DEPTOR: variants seen among roughly 807,000 people sequenced by gnomAD.
The protein encoded by DEPTOR is DEP domain-containing mTOR-interacting protein.
In DEPTOR, 41 loss-of-function variants were observed where a neutral mutation model predicts 41.6. The observed-to-expected ratio is 0.98, with a 90% CI of 0.77 to 1.28. DEPTOR has a LOEUF of 1.28. Ranked by LOEUF, DEPTOR falls within the 50% of genes most tolerant of loss-of-function variation. The pLI is 0.00. For synonymous variants in DEPTOR, 195 were observed against 192.3 expected, an observed-to-expected ratio of 1.01 and a Z score of -0.12; for missense variants, 514 against 527.9, an observed-to-expected ratio of 0.97 and a Z score of 0.26.
intron 3 of DEPTOR, among the ~76,000 whole-genome samples, chr8:119,943,080 G>C (rs1250937355): frequency 1.3e-5 from 2 of 152,162 alleles, no homozygotes; most frequent in Non-Finnish European, 2.9e-5. Context: ...CCAACCTGCT[G>C]TGTCCCCAAG....
At chr8:119,945,285 T>C (rs572395767) in intron 3 of DEPTOR, among the ~76,000 whole-genome samples, 2 of 152,342 alleles carry the variant, frequency 1.3e-5, no homozygotes, top group East Asian at 3.9e-4. Context: ...TATTGATTAT[T>C]CTAGGTCACT....
chr8:119,979,953 T>A (rs548801004), intron 4 of DEPTOR, among the ~76,000 whole-genome samples: 1 of 152,278 alleles, frequency 6.6e-6, no homozygotes, highest in Admixed American at 6.5e-5. Flanking sequence ...AAACTCTTGA[T>A]CATTTGCTTG....
chr8:119,934,204 A>G (rs999676343), intron 3 of DEPTOR, among the ~76,000 whole-genome samples: 2 of 152,174 alleles, frequency 1.3e-5, no homozygotes, highest in Non-Finnish European at 2.9e-5. Flanking sequence ...TTTCTAACCC[A>G]TAGTGGTGTT....
chr8:119,955,596 A>G (rs1828408041), intron 3 of DEPTOR, among the ~76,000 whole-genome samples: 1 of 151,638 alleles, frequency 6.6e-6, no homozygotes. Flanking sequence ...CCTCCCAAGT[A>G]GCTGGGATTA....
At chr8:120,023,338 T>C (rs565660673) in intron 8 of DEPTOR, among the ~76,000 whole-genome samples, 34 of 152,228 alleles carry the variant, frequency 2.2e-4, no homozygotes, top group African/African-American at 8.2e-4. Flanking sequence ...CTTCCCGGGT[T>C]CAAGTGATTC....
chr8:120,001,374 A>G lies in DEPTOR; in HGVS notation c.605-151A>G, dbSNP rs540540371. ...TGTCACGTGGAAAGAACTTGGAACC[A>G]TGGGCGGATGGGCGGCAGCTCATGT... is the stretch of plus-strand genomic sequence containing the variant. On this transcript the variant is annotated intron_variant, in intron 4 of 8. Transcript: ENST00000286234. The G allele has an allele frequency of 3.1e-3, 1,983 of 645,488 alleles. 7 individuals carry two copies. Among genetic ancestry groups the G allele is most frequent in the Non-Finnish European group, 4.1e-3 (1,701 of 415,044 alleles). 40.0% of individuals were successfully genotyped at this position (645,488 alleles called of 1,614,324 possible). A position where few individuals can be genotyped will look rare whatever the true frequency, so the allele number is the denominator to read the frequency against.
chr8:119,943,454 CCATCAGATCTCGTGAGAACT>C (rs1246493307), intron 3 of DEPTOR, among the ~76,000 whole-genome samples: 3 of 152,090 alleles, frequency 2.0e-5, no homozygotes, highest in African/African-American at 7.2e-5. Context: ...ACTTATATAA[CCATCAGATCTCGTGAGAACT>C]CACTCACTAT....
chr8:120,039,890 G>A (rs1220590784), intron 8 of DEPTOR, among the ~76,000 whole-genome samples: 1 of 152,016 alleles, frequency 6.6e-6, no homozygotes, highest in Non-Finnish European at 1.5e-5. Context: ...TGTTGCTCAG[G>A]CTGGAGTGCA....
intron 4 of DEPTOR, among the ~76,000 whole-genome samples, chr8:119,997,133 CAG>C (rs1812274948): frequency 6.6e-6 from 1 of 152,108 alleles, no homozygotes; most frequent in South Asian, 2.1e-4. Flanking sequence ...TTTTTTGAGA[CAG>C]AGTCTCACTA....
chr8:119,935,323 T>TA lies in DEPTOR; in HGVS notation c.425+5389dup, dbSNP rs527772480. 1.4e-3 allele frequency among the ~76,000 whole-genome samples: 214 copies of TA among 152,266 alleles called. 1 individual carries two copies. Among genetic ancestry groups the TA allele is most frequent in the Admixed American group, 7.9e-3 (120 of 15,284 alleles). On this transcript the variant is annotated intron_variant, in intron 3 of 8. Transcript: ENST00000286234. ...TATAAGCAGGATAGTACTCATAACT[T>TA]AAAAGAACAATGTTGAATCTCTATC...
At chr8:119,972,412 C>T (rs940425683) in intron 4 of DEPTOR, among the ~76,000 whole-genome samples, 3 of 152,068 alleles carry the variant, frequency 2.0e-5, no homozygotes, top group Non-Finnish European at 4.4e-5. Flanking sequence ...CACTTGAGGT[C>T]AGGAGTTCAA....
chr8:119,906,890 G>T (rs1248745455), intron 1 of DEPTOR, among the ~76,000 whole-genome samples: 2 of 152,028 alleles, frequency 1.3e-5, no homozygotes, highest in African/African-American at 4.8e-5. Context: ...TGTTCATCAG[G>T]GCCAATAGTA....
chr8:119,978,609 T>A (rs1341730120), intron 4 of DEPTOR, among the ~76,000 whole-genome samples: 1 of 152,200 alleles, frequency 6.6e-6, no homozygotes, highest in African/African-American at 2.4e-5. Flanking sequence ...TTTCTAGCCC[T>A]GACCCTTGTG....
At chr8:119,874,281 G>T in intron 1 of DEPTOR, 1 of 373,618 alleles carries the variant, frequency 2.7e-6, no homozygotes, top group East Asian at 6.5e-5. Flanking sequence ...CCGTCTTCCC[G>T]TGTACCTGGA....
intron 1 of DEPTOR, among the ~76,000 whole-genome samples, chr8:119,878,237 A>G (rs897394542): frequency 1.3e-5 from 2 of 151,144 alleles, no homozygotes; most frequent in Non-Finnish European, 2.9e-5. Flanking sequence ...CTGGTCTCCA[A>G]CTCCCGACCT....
At chr8:120,023,800 G>GTTT (rs11447693) in intron 8 of DEPTOR, among the ~76,000 whole-genome samples, 1 of 144,742 alleles carries the variant, frequency 6.9e-6, no homozygotes, top group Non-Finnish European at 1.5e-5. Context: ...CACCTATTTT[G>GTTT]TTTTTTTTTT....
chr8:119,947,053 G>C (rs1414512732), intron 3 of DEPTOR, among the ~76,000 whole-genome samples: 1 of 152,170 alleles, frequency 6.6e-6, no homozygotes, highest in Non-Finnish European at 1.5e-5. Flanking sequence ...CAATATGCTA[G>C]ATGCTTTAAA....
chr8:119,990,760 T>C (rs1812146640), intron 4 of DEPTOR, among the ~76,000 whole-genome samples: 1 of 152,234 alleles, frequency 6.6e-6, no homozygotes, highest in African/African-American at 2.4e-5. Context: ...AATTTCCTGC[T>C]TTCATATCCT....
At chr8:119,899,967 C>T (rs376068853) in intron 1 of DEPTOR, among the ~76,000 whole-genome samples, 3 of 152,034 alleles carry the variant, frequency 2.0e-5, no homozygotes, top group East Asian at 1.9e-4. Flanking sequence ...AATCAAAGAA[C>T]CATAATTAAC....
Sources: allele counts gnomAD v4.1 joint callset (sites outside exome capture counted in the v4.1 genomes callset), GRCh38; gene constraint gnomAD v4.1.1; transcripts MANE v1.5; gene names NCBI Gene and HGNC (gene_info 2026-07-23, HGNC 2026-07-21).